The following FOXN2 variants were observed in gnomAD, a reference collection of about 807,000 sequenced individuals.
The protein encoded by FOXN2 is forkhead box protein N2.
Under a neutral mutation model 41.2 loss-of-function variants are expected in FOXN2, and 19 were observed. The ratio of observed to expected loss-of-function variants is 0.46; its 90% CI spans 0.32 to 0.68. The LOEUF (loss-of-function observed/expected upper bound fraction) is 0.68, where lower values mean the gene tolerates loss of function less well. Among genes scored for constraint, FOXN2 ranks in the 30% least tolerant of loss-of-function variants. FOXN2 has a pLI of 0.03. For synonymous variants in FOXN2, 195 were observed against 176.8 expected, an observed-to-expected ratio of 1.10 and a Z score of -0.82; for missense variants, 587 against 509.4, an observed-to-expected ratio of 1.15 and a Z score of -1.47.
At position 48,375,208 on chromosome 2, in the gene FOXN2, A is replaced by G. The variant is rs761223346; in HGVS notation, c.1061A>G (p.Asp354Gly). 4 of 1,614,156 alleles carry G rather than the reference A, an allele frequency of 2.5e-6. No individual in the cohort carries two copies. In the Admixed American group the frequency reaches 5.0e-5, roughly 20 times the overall value. ...SEGFHSEEDT[D>G]VDYEDDPLGD... is the part of the protein sequence containing the mutation. ...GGATTTCACAGTGAAGAAGATACAG[A>G]CGTTGATTATGAAGATGATCCTCTT... is the stretch of plus-strand genomic sequence containing the variant. The change falls in exon 7 of 7, where the codon GAC becomes GGC. Residue 354 changes from aspartate (D) to glycine (G), a missense_variant. Coordinates refer to ENST00000340553, the MANE Select transcript of FOXN2 (RefSeq NM_002158.4).
chr2:48,360,979 A>C (rs552237562), intron 4 of FOXN2, among the ~76,000 whole-genome samples: 5 of 149,830 alleles, frequency 3.3e-5, no homozygotes, highest in Middle Eastern at 3.4e-3. Flanking sequence ...GTGCTACTGC[A>C]CTCCAGCCTG....
intron 2 of FOXN2, among the ~76,000 whole-genome samples, chr2:48,337,138 T>C (rs542189590): frequency 6.6e-6 from 1 of 151,914 alleles, no homozygotes; most frequent in Admixed American, 6.5e-5. Flanking sequence ...CTAGTAACTA[T>C]CCTTCTACTC....
intron 6 of FOXN2, 80 bp from the exon 7 acceptor site, chr2:48,374,840 A>G (rs767862399): frequency 1.0e-5 from 12 of 1,162,800 alleles, no homozygotes; most frequent in African/African-American, 1.5e-5. Context: ...GTTGCTCAAG[A>G]GTAATGTAGT....
At chr2:48,374,843 A>C (rs1290790763) in intron 6 of FOXN2, 77 bp from the exon 7 acceptor site, 6 of 1,188,642 alleles carry the variant, frequency 5.0e-6, no homozygotes, top group Non-Finnish European at 7.1e-6. Flanking sequence ...GCTCAAGAGT[A>C]ATGTAGTAGT....
intron 5 of FOXN2, among the ~76,000 whole-genome samples, chr2:48,371,909 A>G (rs1040052975): frequency 2.0e-5 from 3 of 152,144 alleles, no homozygotes; most frequent in South Asian, 2.1e-4. Context: ...TTTACTGACT[A>G]TCAGTTCTAA....
chr2:48,316,601 G>T (rs930963639), intron 1 of FOXN2, among the ~76,000 whole-genome samples: 4 of 152,054 alleles, frequency 2.6e-5, no homozygotes, highest in Admixed American at 1.3e-4. Flanking sequence ...AAGTTAATAT[G>T]AACGTTAACA....
chr2:48,357,684 C>T (rs1404185772), intron 3 of FOXN2, among the ~76,000 whole-genome samples: 3 of 151,866 alleles, frequency 2.0e-5, no homozygotes, highest in South Asian at 2.1e-4. Flanking sequence ...CAATCACCTT[C>T]GCCGGCTTCC....
intron 2 of FOXN2, among the ~76,000 whole-genome samples, chr2:48,337,502 C>T (rs534248521): frequency 6.6e-6 from 1 of 152,030 alleles, no homozygotes; most frequent in East Asian, 1.9e-4. Flanking sequence ...GATGGGGTTT[C>T]ACCATGTTGG....
At chr2:48,326,014 A>C (rs370082809) in intron 1 of FOXN2, among the ~76,000 whole-genome samples, 2 of 151,982 alleles carry the variant, frequency 1.3e-5, no homozygotes, top group Non-Finnish European at 2.9e-5. Context: ...ACGCCCAGCT[A>C]ATATTTGTAT....
intron 3 of FOXN2, among the ~76,000 whole-genome samples, chr2:48,357,228 A>G (rs1399162723): frequency 6.6e-6 from 1 of 152,192 alleles, no homozygotes; most frequent in Non-Finnish European, 1.5e-5. Flanking sequence ...GCACGTTTTC[A>G]ATACCAGTTT....
At chr2:48,317,875 G>A (rs372041561) in intron 1 of FOXN2, among the ~76,000 whole-genome samples, 47 of 151,892 alleles carry the variant, frequency 3.1e-4, no homozygotes, top group African/African-American at 1.1e-3. Context: ...CCAAAGTGCT[G>A]GGATTACAGG....
At chr2:48,322,387 CT>C (rs1669388103) in intron 1 of FOXN2, among the ~76,000 whole-genome samples, 2 of 152,126 alleles carry the variant, frequency 1.3e-5, no homozygotes, top group Non-Finnish European at 2.9e-5. Context: ...CTGTGTAACC[CT>C]GTCCTTTAAA....
At chr2:48,361,719 A>G (rs1672199677) in intron 4 of FOXN2, among the ~76,000 whole-genome samples, 1 of 152,032 alleles carries the variant, frequency 6.6e-6, no homozygotes, top group Admixed American at 6.6e-5. Flanking sequence ...TTTTTTTTTC[A>G]TGCTATCATA....
intron 4 of FOXN2, among the ~76,000 whole-genome samples, chr2:48,361,751 T>A (rs1206294653): frequency 3.3e-5 from 5 of 152,120 alleles, no homozygotes; most frequent in Non-Finnish European, 5.9e-5. Context: ...AGAGAAGTAG[T>A]TTTTCCCAAA....
chr2:48,364,669 A>G (rs1393430380), intron 5 of FOXN2, among the ~76,000 whole-genome samples: 1 of 152,266 alleles, frequency 6.6e-6, no homozygotes, highest in Non-Finnish European at 1.5e-5. Flanking sequence ...GGGTTGGCAA[A>G]CTATGGCCCA....
chr2:48,348,013 T>G (rs1011869881), intron 3 of FOXN2, among the ~76,000 whole-genome samples: 1 of 152,154 alleles, frequency 6.6e-6, no homozygotes, highest in African/African-American at 2.4e-5. Flanking sequence ...TTTTCAGCAG[T>G]TTGACTATAG....
upstream of FOXN2, among the ~76,000 whole-genome samples, chr2:48,314,450 C>A (rs938906300): frequency 6.6e-6 from 1 of 152,260 alleles, no homozygotes; most frequent in Non-Finnish European, 1.5e-5. Flanking sequence ...ATTTCACCCC[C>A]ACCCCAGCCG....
chr2:48,326,070 A>G (rs59264464), intron 1 of FOXN2, among the ~76,000 whole-genome samples: 53,286 of 151,866 alleles, frequency 0.35, 9,618 homozygotes, highest in East Asian at 0.52. Flanking sequence ...GGCCAGTCTC[A>G]AACTTCTGGC....
intron 6 of FOXN2, among the ~76,000 whole-genome samples, chr2:48,374,319 C>T (rs1262245321): frequency 2.0e-5 from 3 of 151,914 alleles, no homozygotes; most frequent in Non-Finnish European, 2.9e-5. Context: ...GCTAGAAATT[C>T]GGGAAACACA....
Sources: allele counts gnomAD v4.1 joint callset (sites outside exome capture counted in the v4.1 genomes callset), GRCh38; gene constraint gnomAD v4.1.1; transcripts MANE v1.5; gene names NCBI Gene and HGNC (gene_info 2026-07-23, HGNC 2026-07-21).